NCOA1: variants seen among roughly 807,000 people sequenced by gnomAD.
NCOA1 encodes the protein nuclear receptor coactivator 1.
NCOA1 carries 35 observed loss-of-function variants against 150.9 expected under a neutral mutation model. The observed-to-expected ratio is 0.23, with a 90% CI of 0.18 to 0.31. NCOA1 has a LOEUF of 0.31. Ranked by LOEUF, NCOA1 falls within the 10% of genes least tolerant of loss-of-function variation. The pLI, the probability that NCOA1 is intolerant of heterozygous loss-of-function variation, is 1.00. For synonymous variants in NCOA1, 590 were observed against 630.0 expected (o/e 0.94, Z 0.95); for missense variants, 1,491 against 1,749.3 (o/e 0.85, Z 2.63).
intron 10 of NCOA1, among the ~76,000 whole-genome samples, 168 bp from the exon 11 acceptor site, chr2:24,697,490 T>A (rs192549523): frequency 6.6e-6 from 1 of 152,210 alleles, no homozygotes; most frequent in African/African-American, 2.4e-5. Context: ...CAATTTCTTA[T>A]GTCAATAACA....
At chr2:24,700,997 T>C (rs1431442173) in intron 11 of NCOA1, among the ~76,000 whole-genome samples, 1 of 152,212 alleles carries the variant, frequency 6.6e-6, no homozygotes, top group Non-Finnish European at 1.5e-5. Flanking sequence ...AGTTCTACAA[T>C]AAAAATACCT....
chr2:24,697,094 G>A (rs1397220280), intron 10 of NCOA1, among the ~76,000 whole-genome samples: 2 of 151,960 alleles, frequency 1.3e-5, no homozygotes, highest in Admixed American at 1.3e-4. Flanking sequence ...CGTATGTTCC[G>A]TGTGCATACT....
chr2:24,689,065 C>T (rs1007999094), intron 8 of NCOA1, among the ~76,000 whole-genome samples: 5 of 151,844 alleles, frequency 3.3e-5, no homozygotes, highest in South Asian at 2.1e-4. Context: ...GTAGGTGTGC[C>T]GCCCTATTTC....
chr2:24,677,870 A>G (rs1431514679), intron 7 of NCOA1, among the ~76,000 whole-genome samples: 9 of 151,858 alleles, frequency 5.9e-5, no homozygotes, highest in African/African-American at 2.2e-4. Context: ...GATGTGCCAC[A>G]CTTTTTTTTT....
chr2:24,564,309 A>G lies in NCOA1; in HGVS notation c.-381A>G, dbSNP rs1198265879. 1 of 152,174 alleles carries G rather than the reference A, an allele frequency of 6.6e-6. No individual in the cohort carries two copies. Among genetic ancestry groups the G allele is most frequent in the Admixed American group, 6.5e-5 (1 of 15,272 alleles). 9.4% of individuals were successfully genotyped at this position (152,174 alleles called of 1,614,324 possible). On this transcript the variant is annotated 5_prime_UTR_variant, in exon 2 of 23. An upstream start codon of the reference 5' UTR is lost. Coordinates refer to ENST00000348332, the MANE Select transcript of NCOA1 (RefSeq NM_003743.5). ...TCCTGCTTTAGATCTATCCATACTA[A>G]TGGAAATGTAACTGGAACTGACTCT...
intron 15 of NCOA1, 57 bp from the exon 16 acceptor site, chr2:24,728,251 A>G (rs867528944): frequency 2.0e-6 from 3 of 1,487,132 alleles, no homozygotes; most frequent in Admixed American, 2.1e-5. Flanking sequence ...GTATATAAAG[A>G]TTGAATAAAT....
rs529742458 is a variant in NCOA1, at chr2:24,741,949, C to A, written c.3469C>A (p.Pro1157Thr). The A allele has an allele frequency of 1.2e-6, 2 of 1,614,214 alleles. No homozygotes were observed. The highest frequency in any genetic ancestry group is 1.7e-6 in the Non-Finnish European group (2 of 1,180,044). ...SSGLPVQMGN[P>T]RLPQGAPQQF... ...TGGACTACCAGTTCAAATGGGGAAC[C>A]CCCGTCTTCCTCAGGGTGCTCCACA... Residue 1157 changes from proline (P) to threonine (T), a missense_variant, in exon 19 of 23, where the codon CCC becomes ACC. Pro to Thr is a conservative substitution (Grantham distance 38). Transcript: ENST00000348332.
intron 3 of NCOA1, among the ~76,000 whole-genome samples, chr2:24,601,180 G>A (rs1269444097): frequency 6.6e-6 from 1 of 151,804 alleles, no homozygotes; most frequent in Non-Finnish European, 1.5e-5. Flanking sequence ...ATAATACCAG[G>A]AGGAAAGGAT....
At chr2:24,644,501 C>A (rs114399412) in intron 4 of NCOA1, among the ~76,000 whole-genome samples, 4 of 151,976 alleles carry the variant, frequency 2.6e-5, no homozygotes, top group African/African-American at 9.7e-5. Context: ...ATAGGTATAC[C>A]TGTATAATAT....
At chr2:24,749,079 T>A (rs568233691) in intron 19 of NCOA1, among the ~76,000 whole-genome samples, 5 of 152,364 alleles carry the variant, frequency 3.3e-5, no homozygotes, top group African/African-American at 7.2e-5. Flanking sequence ...AAACATTTTT[T>A]AAAAAACATT....
intron 3 of NCOA1, among the ~76,000 whole-genome samples, chr2:24,616,913 C>A (rs376417957): frequency 2.0e-5 from 3 of 152,078 alleles, no homozygotes; most frequent in Non-Finnish European, 4.4e-5. Context: ...ATTCTGAAAG[C>A]GATACTTTGG....
intron 21 of NCOA1, among the ~76,000 whole-genome samples, chr2:24,759,386 G>A (rs1294258464): frequency 6.6e-6 from 1 of 152,210 alleles, no homozygotes; most frequent in Non-Finnish European, 1.5e-5. Flanking sequence ...CAGGATAGGA[G>A]TTGAAAGCCT....
rs989995153 is a variant in NCOA1 at position 24,607,152 on chromosome 2, A to G, written c.-175+22592A>G. On this transcript the variant is annotated intron_variant, in intron 3 of 22. Coordinates refer to ENST00000348332, the MANE Select transcript of NCOA1 (RefSeq NM_003743.5). ...ATTTGGGAAACCCTGAATTTTGGAG[A>G]GTGAATAGTTAGAATGTGAACAGTG... Among the ~76,000 whole-genome samples the G allele has an allele frequency of 3.3e-5, 5 of 151,258 alleles. 1 individual carries two copies. In the South Asian group the frequency reaches 1.0e-3, roughly 32 times the overall value.
chr2:24,624,292 G>A (rs1669305128), intron 3 of NCOA1, among the ~76,000 whole-genome samples: 1 of 152,112 alleles, frequency 6.6e-6, no homozygotes, highest in Non-Finnish European at 1.5e-5. Context: ...AGTATAAAGG[G>A]ATCCTTAAAC....
At chr2:24,551,877 A>G (rs1163914173) in intron 1 of NCOA1, among the ~76,000 whole-genome samples, 3 of 152,158 alleles carry the variant, frequency 2.0e-5, no homozygotes, top group African/African-American at 2.4e-5. Context: ...TGGACTGCCA[A>G]TTGTTCCTGC....
chr2:24,557,680 C>T (rs997515995), intron 1 of NCOA1, among the ~76,000 whole-genome samples: 2 of 152,056 alleles, frequency 1.3e-5, no homozygotes, highest in African/African-American at 4.8e-5. Context: ...AAAAAAAGCC[C>T]TTTATTGTCG....
At chr2:24,603,530 C>G (rs1668221862) in intron 3 of NCOA1, among the ~76,000 whole-genome samples, 1 of 152,190 alleles carries the variant, frequency 6.6e-6, no homozygotes, top group Non-Finnish European at 1.5e-5. Context: ...TATTCTAAAT[C>G]CTTTGTTGTC....
At position 24,658,336 on chromosome 2, in the gene NCOA1, G is replaced by A. The variant is rs1407919924; in HGVS notation, c.-17-325G>A. Among the ~76,000 whole-genome samples, 6 of 151,996 alleles carry A rather than the reference G, an allele frequency of 3.9e-5. No homozygotes were observed. In the East Asian group the frequency reaches 5.8e-4, roughly 15 times the overall value. On this transcript the variant is annotated intron_variant, in intron 4 of 22. Transcript: ENST00000348332. The stretch of plus-strand genomic sequence containing the variant: ...CAACATTCGGCTTCTACATTTACAC[G>A]TGAAAATGATTATTTTCTCTTTGGA...
chr2:24,748,415 G>C (rs1664050564), intron 19 of NCOA1, among the ~76,000 whole-genome samples: 1 of 152,016 alleles, frequency 6.6e-6, no homozygotes, highest in Non-Finnish European at 1.5e-5. Flanking sequence ...ATCAAGACCA[G>C]CCTCACCAAT....
Sources: allele counts gnomAD v4.1 joint callset (sites outside exome capture counted in the v4.1 genomes callset), GRCh38; gene constraint gnomAD v4.1.1; transcripts MANE v1.5; gene names NCBI Gene and HGNC (gene_info 2026-07-23, HGNC 2026-07-21).